The following RRH variants were observed in gnomAD, a reference collection of about 807,000 sequenced individuals.
The protein encoded by RRH is retinal pigment epithelium-derived rhodopsin homolog.
A neutral mutation model predicts 33.1 loss-of-function variants in RRH; 36 were observed. The ratio of observed to expected loss-of-function variants is 1.09; its 90% CI spans 0.83 to 1.44. The LOEUF is 1.44. RRH is among the 40% of genes most tolerant of loss of function. RRH has a pLI of 0.00. For synonymous variants in RRH, 124 were observed against 140.2 expected (o/e 0.88, Z 0.82); for missense variants, 393 against 420.2 (o/e 0.94, Z 0.57).
At chr4:109,833,919 C>T (rs555801770) in intron 2 of RRH, among the ~76,000 whole-genome samples, 1 of 152,266 alleles carries the variant, frequency 6.6e-6, no homozygotes, top group African/African-American at 2.4e-5. Flanking sequence ...TGAATAACCA[C>T]GTAAGTACCA....
In RRH at chr4:109,835,351, A is replaced by G; in HGVS notation, c.298-15A>G. ...GTGTTTAGAATGGTAGAGTCTTTTC[A>G]ATTTTGGTTTTCAGGTTTATGCTGG... On this transcript the variant is annotated splice_polypyrimidine_tract_variant and intron_variant, in intron 2 of 6. Transcript: ENST00000317735. The G allele has an allele frequency of 6.3e-7, 1 of 1,583,016 alleles. No homozygotes were observed. Among genetic ancestry groups the G allele is most frequent in the Admixed American group, 1.7e-5 (1 of 59,970 alleles).
At chr4:109,837,394 G>A (rs779963221) in intron 4 of RRH, 43 bp from the exon 5 acceptor site, 20 of 1,533,552 alleles carry the variant, frequency 1.3e-5, no homozygotes, top group South Asian at 1.1e-4. Context: ...CCCCCACTTA[G>A]GACATTAAAT....
rs981882792 is a variant in RRH, at chr4:109,829,310, G to A, written c.106+1177G>A. Among the ~76,000 whole-genome samples the A allele has an allele frequency of 3.3e-5, 5 of 151,168 alleles. No individual in the cohort carries two copies. In the South Asian group the frequency reaches 6.2e-4, roughly 19 times the overall value. ...TACCTCTATGATAAGTACTAGACAA[G>A]TTCTAGTTTTTTTGTAATTGCAAAA... is the stretch of plus-strand genomic sequence containing the variant. On this transcript the variant is annotated intron_variant, in intron 1 of 6. Transcript: ENST00000317735.
Position 109,833,141 on chromosome 4 carries a change from A to G in RRH, c.109A>G (p.Met37Val), listed in dbSNP as rs1733793130. ...CATATTTTTGTGTGTGTTCTCAGGT[A>G]TGATAAGTATTATCAGCAACATAAT... ...IVATYLIMAG[M>V]ISIISNIIVL... The change falls in exon 2 of 7, where the codon ATG becomes GTG. Residue 37 changes from methionine (M) to valine (V), a missense_variant and splice_region_variant. Transcript: ENST00000317735. 6.2e-7 allele frequency: 1 copy of G among 1,611,076 alleles called. No homozygotes were observed. Among genetic ancestry groups the G allele is most frequent in the Non-Finnish European group, 8.5e-7 (1 of 1,177,234 alleles).
At chr4:109,837,236 A>C (rs1188448588) in intron 4 of RRH, among the ~76,000 whole-genome samples, 2 of 152,250 alleles carry the variant, frequency 1.3e-5, no homozygotes, top group Admixed American at 1.3e-4. Context: ...TTATTTACAA[A>C]GATGAGTGAT....
At chr4:109,832,533 T>TGTGTGTGC (rs1286881723) in intron 1 of RRH, among the ~76,000 whole-genome samples, 11 of 143,356 alleles carry the variant, frequency 7.7e-5, no homozygotes, top group African/African-American at 2.8e-4. Context: ...TGTGTGTGTG[T>TGTGTGTGC]TGGAATGAAG....
At chr4:109,843,139 A>C (rs1734014325) in intron 6 of RRH, among the ~76,000 whole-genome samples, 1 of 152,262 alleles carries the variant, frequency 6.6e-6, no homozygotes, top group Admixed American at 6.5e-5. Context: ...TAGTCCCAAC[A>C]TAAAAGGCAT....
intron 5 of RRH, among the ~76,000 whole-genome samples, chr4:109,839,039 C>T (rs1202025868): frequency 6.9e-6 from 1 of 144,660 alleles, no homozygotes; most frequent in Non-Finnish European, 1.5e-5. Flanking sequence ...GCTAGATTTA[C>T]CTTCTAATTT....
chr4:109,843,840 C>T (rs1734028968), intron 6 of RRH, among the ~76,000 whole-genome samples: 1 of 152,076 alleles, frequency 6.6e-6, no homozygotes, highest in Non-Finnish European at 1.5e-5. Flanking sequence ...GTACCATATA[C>T]CTTATATATT....
intron 1 of RRH, among the ~76,000 whole-genome samples, chr4:109,831,076 T>G (rs1733740299): frequency 6.6e-6 from 1 of 152,190 alleles, no homozygotes; most frequent in Admixed American, 6.5e-5. Context: ...AGAAAAGGGC[T>G]AAACTGTTTA....
chr4:109,844,214 A>G lies in RRH; in HGVS notation c.*17A>G, dbSNP rs1167033173. 4 of 1,499,364 alleles carry G rather than the reference A, an allele frequency of 2.7e-6. No homozygotes were observed. The highest frequency in any genetic ancestry group is 3.7e-6 in the Non-Finnish European group (4 of 1,075,726). The allele number at this position is 1,499,364 out of a possible 1,614,324, so 92.9% of individuals were successfully genotyped here. ...AGAATCTGAAATAAGATAAAAGGAC[A>G]CACTATCAAAACACTTTAGTTTTTT... On this transcript the variant is annotated 3_prime_UTR_variant, in exon 7 of 7. Transcript: ENST00000317735.
At chr4:109,835,092 G>A (rs1249150296) in intron 2 of RRH, among the ~76,000 whole-genome samples, 1 of 152,048 alleles carries the variant, frequency 6.6e-6, no homozygotes, top group Non-Finnish European at 1.5e-5. Context: ...CTGGTTTGTG[G>A]TTGTTCTGCA....
rs1362927937 is a variant in RRH, at chr4:109,827,982, T to C, written c.-46T>C. The C allele has an allele frequency of 2.0e-5, 24 of 1,205,822 alleles. No individual in the cohort carries two copies. Among genetic ancestry groups the C allele is most frequent in the Non-Finnish European group, 2.7e-5 (22 of 810,074 alleles). The allele number at this position is 1,205,822 out of a possible 1,614,324, so 74.7% of individuals were successfully genotyped here. On this transcript the variant is annotated 5_prime_UTR_variant, in exon 1 of 7. Transcript: ENST00000317735. ...AGTAGCTCATAAAGCAGTTCATAAT[T>C]ATCGAAGGCTTATTATGAAGGGTGT...
intron 3 of RRH, 41 bp from the exon 4 acceptor site, chr4:109,835,966 T>G (rs1733873350): frequency 3.1e-6 from 5 of 1,612,414 alleles, no homozygotes; most frequent in Non-Finnish European, 4.2e-6. Context: ...TGAGTCCCAT[T>G]AATGGCAAAT....
At position 109,835,921 on chromosome 4, in the gene RRH, T is replaced by C; in HGVS notation, c.398-86T>C. On this transcript the variant is annotated intron_variant, in intron 3 of 6. Coordinates refer to ENST00000317735, the MANE Select transcript of RRH (RefSeq NM_006583.5). ...TCAAAGTGCTCTGTAAAGAATCTAC[T>C]TGATAACACTTACAAATCAAGCAAG... The C allele has an allele frequency of 2.6e-6, 4 of 1,537,366 alleles. No homozygotes were observed. In the South Asian group the frequency reaches 4.5e-5, roughly 17 times the overall value.
chr4:109,839,516 A>T (rs1198771331), intron 5 of RRH, among the ~76,000 whole-genome samples: 3 of 152,122 alleles, frequency 2.0e-5, no homozygotes, highest in African/African-American at 7.2e-5. Context: ...GGTTTGTTAC[A>T]TAGGTAAACG....
At chr4:109,843,841 C>A (rs1327444154) in intron 6 of RRH, among the ~76,000 whole-genome samples, 3 of 152,080 alleles carry the variant, frequency 2.0e-5, no homozygotes, top group African/African-American at 7.2e-5. Flanking sequence ...TACCATATAC[C>A]TTATATATTT....
chr4:109,838,072 G>A (rs574457792), intron 5 of RRH, among the ~76,000 whole-genome samples: 9 of 152,236 alleles, frequency 5.9e-5, no homozygotes, highest in South Asian at 2.1e-4. Flanking sequence ...GAGCCAATGC[G>A]CCTGGCCACT....
Position 109,836,148 on chromosome 4 carries a change from G to A in RRH, c.539G>A (p.Arg180Lys), listed in dbSNP as rs574387939. Residue 180 changes from arginine to lysine, a missense_variant, in exon 4 of 7, where the codon AGG (arginine) becomes AAG (lysine). By Grantham distance (26) the Arg-to-Lys change is conservative (BLOSUM62 2). Transcript: ENST00000317735. ...GGTGCTACGTGTACCATAAACTGGA[G>A]GAAAAATGATAGGTAAGAGACAAGT... Reference protein sequence around the residue: ...PTGATCTINWRKNDRSFVSYT... With the variant: ...PTGATCTINWKKNDRSFVSYT... The A allele has an allele frequency of 2.5e-6, 4 of 1,614,078 alleles. No individual in the cohort carries two copies. The East Asian group carries it at 6.7e-5, about 27-fold the overall frequency.
Sources: allele counts gnomAD v4.1 joint callset (sites outside exome capture counted in the v4.1 genomes callset), GRCh38; gene constraint gnomAD v4.1.1; transcripts MANE v1.5; gene names NCBI Gene and HGNC (gene_info 2026-07-23, HGNC 2026-07-21).